Variants in SHROOM4 observed in about 807,000 individuals in gnomAD.
SHROOM4 encodes the protein shroom family member 4, also known as protein Shroom4.
In SHROOM4, 17 loss-of-function variants were observed where a neutral mutation model predicts 80.3. That is an observed-to-expected ratio of 0.21 (90% CI 0.14 to 0.32). The LOEUF is 0.32. Ranked by LOEUF, SHROOM4 falls within the 10% of genes least tolerant of loss-of-function variation. The pLI, the probability that SHROOM4 is intolerant of heterozygous loss-of-function variation, is 1.00. For missense variants in SHROOM4, 993 were observed against 1,140.3 expected (o/e 0.87, Z 1.86); for synonymous variants, 400 against 437.5 (o/e 0.91, Z 1.07).
chrX:50,788,630 AAGAC>A (rs1438066603), intron 1 of SHROOM4, among the ~76,000 whole-genome samples: 1 of 110,678 alleles, frequency 9.0e-6, no homozygotes, highest in Non-Finnish European at 1.9e-5. Flanking sequence ...AAAAAATTAT[AAGAC>A]AGAAAATAAT....
At chrX:50,626,714 T>C (rs1750059943) in intron 5 of SHROOM4, among the ~76,000 whole-genome samples, 1 of 112,068 alleles carries the variant, frequency 8.9e-6, no homozygotes, top group South Asian at 3.7e-4. Context: ...GACAGAGTTG[T>C]TGGGAAGATA....
At position 50,681,277 on chromosome X, in the gene SHROOM4, A is replaced by G. The variant is rs182086155; in HGVS notation, c.269+14509T>C. Among the ~76,000 whole-genome samples, 26 of 111,192 alleles carry G rather than the reference A, an allele frequency of 2.3e-4. No individual in the cohort carries two copies. The East Asian group carries it at 7.1e-3, about 30-fold the overall frequency. The stretch of plus-strand genomic sequence containing the variant: ...ACTGTTCTGCTTAGAACTCTCTAAC[A>G]GCTTCCTTCTGCAAATAGAATACAT... On this transcript the variant is annotated intron_variant, in intron 2 of 8. Coordinates refer to ENST00000376020, the MANE Select transcript of SHROOM4 (RefSeq NM_020717.5).
intron 1 of SHROOM4, among the ~76,000 whole-genome samples, chrX:50,738,687 A>C (rs1934564003): frequency 1.8e-5 from 2 of 111,865 alleles, no homozygotes; most frequent in African/African-American, 6.5e-5. Flanking sequence ...AGAGGACACA[A>C]ACAAATGGAA....
chrX:50,580,929 T>C, the SHROOM4 span, among the ~76,000 whole-genome samples: 4 of 112,366 alleles, frequency 3.6e-5, no homozygotes, highest in African/African-American at 9.7e-5. Context: ...CTGAATACCA[T>C]TGATAGAATA....
At chrX:50,644,006 G>T (rs1557257581) in intron 2 of SHROOM4, among the ~76,000 whole-genome samples, 1 of 112,437 alleles carries the variant, frequency 8.9e-6, no homozygotes, top group Non-Finnish European at 1.9e-5. Flanking sequence ...GATAAGCCAG[G>T]ACTAGCAGCC....
rs1931307701 is a variant in SHROOM4, at chrX:50,635,485, G to A, written c.588C>T (p.Ser196=). The change falls in exon 4 of 9, where the codon AGC becomes AGT. Residue 196 remains serine, a synonymous_variant. Coordinates refer to ENST00000376020, the MANE Select transcript of SHROOM4 (RefSeq NM_020717.5). ...AAAGGGCACAGTCAGAAGCATTTGAGCTGGCCGAGAAGGAGCTGTAGGCTG... is the reference window on the plus strand; with the variant it reads ...AAAGGGCACAGTCAGAAGCATTTGAACTGGCCGAGAAGGAGCTGTAGGCTG... The part of the protein sequence containing the change: ...RDSAYSSFSA[S]SNASDCALSL... 1 of 1,210,695 alleles carries A rather than the reference G, an allele frequency of 8.3e-7. No individual in the cohort carries two copies. Among genetic ancestry groups the A allele is most frequent in the Middle Eastern group, 2.3e-4 (1 of 4,352 alleles).
In SHROOM4 at chrX:50,598,550, C is replaced by T. The variant is rs1429228187; in HGVS notation, c.3943-15G>A. 8.4e-7 allele frequency: 1 copy of T among 1,197,033 alleles called. No individual in the cohort carries two copies. The highest frequency in any genetic ancestry group is 1.8e-5 in the African/African-American group (1 of 56,775). ...ATAAGCTGTATCTAGGGGAATTAAACAGGAGAAGACAAAGGATGAGAATGG... is the reference window on the plus strand; with the variant it reads ...ATAAGCTGTATCTAGGGGAATTAAATAGGAGAAGACAAAGGATGAGAATGG... On this transcript the variant is annotated splice_polypyrimidine_tract_variant and intron_variant, in intron 7 of 8. Coordinates refer to ENST00000376020, the MANE Select transcript of SHROOM4 (RefSeq NM_020717.5).
intron 1 of SHROOM4, among the ~76,000 whole-genome samples, chrX:50,700,388 G>A (rs1030923921): frequency 2.7e-5 from 3 of 111,888 alleles, no homozygotes; most frequent in Non-Finnish European, 5.6e-5. Flanking sequence ...TCTGGGAAAC[G>A]AATAGAAAAA....
intron 1 of SHROOM4, among the ~76,000 whole-genome samples, chrX:50,777,506 C>T (rs1345717148): frequency 9.0e-6 from 1 of 111,538 alleles, no homozygotes; most frequent in Non-Finnish European, 1.9e-5. Flanking sequence ...AACTATAATG[C>T]ATTCATATCA....
rs782121886 is a variant in SHROOM4 at position 50,752,422 on chromosome X, G to C, written c.118-56485C>G. The stretch of plus-strand genomic sequence containing the variant: ...TTCAGATGATTAATTCCATTAGTCA[G>C]ATTGCCATTACAGTCAGACTGAGGG... On this transcript the variant is annotated intron_variant, in intron 1 of 8. Coordinates refer to ENST00000376020, the MANE Select transcript of SHROOM4 (RefSeq NM_020717.5). Among the ~76,000 whole-genome samples, 4 of 111,899 alleles carry C rather than the reference G, an allele frequency of 3.6e-5. No individual in the cohort carries two copies. In the East Asian group the frequency reaches 1.1e-3, roughly 31 times the overall value.
chrX:50,690,268 A>C (rs782769125), intron 2 of SHROOM4, among the ~76,000 whole-genome samples: 1 of 111,791 alleles, frequency 8.9e-6, no homozygotes, highest in South Asian at 3.7e-4. Context: ...GTGCGCCTTT[A>C]ATTTAAAAAA....
At chrX:50,641,199 C>T (rs781847509) in intron 2 of SHROOM4, among the ~76,000 whole-genome samples, 82 of 112,090 alleles carry the variant, frequency 7.3e-4, no homozygotes, top group Admixed American at 1.2e-3. Context: ...TGCCCATCAT[C>T]ATTTCATGTG....
Position 50,795,882 on chromosome X carries a change from T to C in SHROOM4, c.117+18020A>G, listed in dbSNP as rs141449554. Among the ~76,000 whole-genome samples, 71 of 112,067 alleles carry C rather than the reference T, an allele frequency of 6.3e-4. No homozygotes were observed. In the East Asian group the frequency reaches 0.02, roughly 31 times the overall value. On this transcript the variant is annotated intron_variant, in intron 1 of 8. Coordinates refer to ENST00000376020, the MANE Select transcript of SHROOM4 (RefSeq NM_020717.5). ...TATAGTTGCCATGTGGATTAAATAA[T>C]ACATGTAAAATCACTTAGAACAGTG... is the stretch of plus-strand genomic sequence containing the variant.
intron 1 of SHROOM4, among the ~76,000 whole-genome samples, chrX:50,716,521 C>T (rs1933958883): frequency 9.0e-6 from 1 of 111,642 alleles, no homozygotes; most frequent in African/African-American, 3.3e-5. Context: ...AGGTATATGG[C>T]ACCTTATGTG....
At chrX:50,759,488 T>A (rs1935104709) in intron 1 of SHROOM4, among the ~76,000 whole-genome samples, 2 of 112,119 alleles carry the variant, frequency 1.8e-5, no homozygotes, top group East Asian at 5.6e-4. Context: ...ATTTTGTTGA[T>A]ATTTTCAGAC....
intron 2 of SHROOM4, among the ~76,000 whole-genome samples, chrX:50,668,765 G>A (rs1175793518): frequency 8.9e-6 from 1 of 112,063 alleles, no homozygotes; most frequent in Non-Finnish European, 1.9e-5. Context: ...AGCAAGTCTT[G>A]GCAAAGATGT....
At chrX:50,720,838 A>G (rs1934091204) in intron 1 of SHROOM4, among the ~76,000 whole-genome samples, 1 of 111,856 alleles carries the variant, frequency 8.9e-6, no homozygotes, top group African/African-American at 3.2e-5. Context: ...ATGGAAAGGC[A>G]CTGATGTGGG....
chrX:50,672,020 T>G (rs1038018432), intron 2 of SHROOM4, among the ~76,000 whole-genome samples: 2 of 111,898 alleles, frequency 1.8e-5, no homozygotes, highest in Non-Finnish European at 3.8e-5. Flanking sequence ...TCTCAGGGAA[T>G]AGGGAGGTCT....
chrX:50,730,734 C>A (rs1327128162), intron 1 of SHROOM4, among the ~76,000 whole-genome samples: 1 of 109,173 alleles, frequency 9.2e-6, no homozygotes, highest in African/African-American at 3.3e-5. Context: ...GAGATCGCAC[C>A]ACTGCACTCC....
Sources: allele counts gnomAD v4.1 joint callset (sites outside exome capture counted in the v4.1 genomes callset), GRCh38; gene constraint gnomAD v4.1.1; transcripts MANE v1.5; gene names NCBI Gene and HGNC (gene_info 2026-07-23, HGNC 2026-07-21).